The following KIAA0319L variants were observed in gnomAD, a reference collection of about 807,000 sequenced individuals.
KIAA0319L encodes KIAA0319 like.
Under a neutral mutation model 120.1 loss-of-function variants are expected in KIAA0319L, and 55 were observed. The observed-to-expected ratio is 0.46, with a 90% CI of 0.37 to 0.57. The LOEUF (loss-of-function observed/expected upper bound fraction) is 0.57. Ranked by LOEUF, KIAA0319L falls within the 20% of genes least tolerant of loss-of-function variation. KIAA0319L has a pLI of 0.00. For synonymous variants in KIAA0319L, 398 were observed against 471.9 expected (o/e 0.84, Z 2.03); for missense variants, 1,049 against 1,255.3 (o/e 0.84, Z 2.48).
intron 3 of KIAA0319L, among the ~76,000 whole-genome samples, chr1:35,489,142 C>A (rs1389922022): frequency 6.6e-6 from 1 of 151,798 alleles, no homozygotes; most frequent in Non-Finnish European, 1.5e-5. Context: ...TCAGAGAAGG[C>A]TTCAAAAAGA....
intron 6 of KIAA0319L, 74 bp downstream of exon 6, chr1:35,470,789 A>G (rs1002014088): frequency 3.2e-5 from 30 of 928,352 alleles, no homozygotes; most frequent in Admixed American, 5.2e-5. Context: ...TAGACAGAAA[A>G]TTATATGATA....
chr1:35,454,660 T>G, intron 10 of KIAA0319L, 175 bp from the exon 11 acceptor site: 1 of 1,390,482 alleles, frequency 7.2e-7, no homozygotes, highest in Non-Finnish European at 9.3e-7. Flanking sequence ...ATGAGGCACC[T>G]TGCTAAGGGT....
chr1:35,464,803 C>T (rs868378171), intron 7 of KIAA0319L, among the ~76,000 whole-genome samples: 45 of 152,204 alleles, frequency 3.0e-4, no homozygotes, highest in African/African-American at 1.0e-3. Flanking sequence ...TGTGTGCAGC[C>T]TAGGGACTTG....
chr1:35,497,000 T>C (rs1033094011), intron 3 of KIAA0319L, among the ~76,000 whole-genome samples: 1 of 138,894 alleles, frequency 7.2e-6, no homozygotes, highest in Non-Finnish European at 1.6e-5. Context: ...ATGACATGAA[T>C]GGACATAAAA....
intron 2 of KIAA0319L, among the ~76,000 whole-genome samples, chr1:35,544,277 G>A (rs947439570): frequency 1.3e-5 from 2 of 151,118 alleles, no homozygotes; most frequent in African/African-American, 4.9e-5. Flanking sequence ...GCTGAGGCAG[G>A]AGAATCGCTT....
At chr1:35,549,542 C>A (rs1242382066) in intron 2 of KIAA0319L, among the ~76,000 whole-genome samples, 7 of 152,300 alleles carry the variant, frequency 4.6e-5, no homozygotes, top group Admixed American at 3.3e-4. Context: ...AATGTCAGTA[C>A]AAGTTTTCAT....
chr1:35,436,900 T>G (rs1050541479), intron 20 of KIAA0319L, among the ~76,000 whole-genome samples: 2 of 152,182 alleles, frequency 1.3e-5, no homozygotes, highest in African/African-American at 4.8e-5. Flanking sequence ...CCAGCTAAAC[T>G]TCTTCAGTTC....
At chr1:35,499,323 G>A (rs1318872067) in intron 3 of KIAA0319L, among the ~76,000 whole-genome samples, 3 of 152,160 alleles carry the variant, frequency 2.0e-5, no homozygotes, top group Non-Finnish European at 2.9e-5. Flanking sequence ...AGGTAATTAG[G>A]TCATGAAGTT....
Position 35,456,915 on chromosome 1 carries a change from T to TGAAGGAAGGAAGGAAGGAAGGAAG in KIAA0319L, c.1428-698_1428-675dup, listed in dbSNP as rs71062877. ...GGGAGGGAGGGAAAGAAGGAAGGAA[T>TGAAGGAAGGAAGGAAGGAAGGAAG]GAAGGAAGGAAGGAAGGAAGGAAGG... On this transcript the variant is annotated intron_variant, in intron 9 of 20. Coordinates refer to ENST00000325722, the MANE Select transcript of KIAA0319L (RefSeq NM_024874.5). 3.6e-5 allele frequency among the ~76,000 whole-genome samples: 4 copies of TGAAGGAAGGAAGGAAGGAAGGAAG among 110,006 alleles called. 1 individual carries two copies. The highest frequency in any genetic ancestry group is 1.4e-4 in the African/African-American group (4 of 29,364). The allele number at this position is 110,006 out of a possible 152,430, so 72.2% of individuals were successfully genotyped here. A position where few individuals can be genotyped will look rare whatever the true frequency, so the allele number is the denominator to read the frequency against.
intron 3 of KIAA0319L, among the ~76,000 whole-genome samples, chr1:35,496,054 A>C (rs767404467): frequency 5.9e-5 from 9 of 152,228 alleles, no homozygotes; most frequent in Non-Finnish European, 8.8e-5. Flanking sequence ...TTGATACATT[A>C]ATCACGGAAA....
intron 4 of KIAA0319L, among the ~76,000 whole-genome samples, chr1:35,477,911 A>G (rs1211362838): frequency 6.6e-6 from 1 of 152,204 alleles, no homozygotes; most frequent in African/African-American, 2.4e-5. Flanking sequence ...GTCTATACCC[A>G]AAAGAAAGGA....
At chr1:35,485,608 A>T (rs1037363982) in intron 3 of KIAA0319L, among the ~76,000 whole-genome samples, 1 of 152,050 alleles carries the variant, frequency 6.6e-6, no homozygotes, top group Non-Finnish European at 1.5e-5. Flanking sequence ...TATTTTCAAG[A>T]TCTTCCCATT....
intron 5 of KIAA0319L, among the ~76,000 whole-genome samples, chr1:35,473,099 T>C (rs1244850847): frequency 1.2e-4 from 16 of 135,472 alleles, no homozygotes; most frequent in Admixed American, 3.7e-4. Context: ...TTTTTTTTTT[T>C]TTTTCTTTTT....
intron 2 of KIAA0319L, among the ~76,000 whole-genome samples, chr1:35,508,096 T>C (rs544406235): frequency 2.0e-5 from 3 of 152,334 alleles, no homozygotes; most frequent in East Asian, 1.9e-4. Context: ...CAGGGTTATA[T>C]AGAAACAGAA....
At chr1:35,463,837 T>G (rs1643067991) in intron 7 of KIAA0319L, among the ~76,000 whole-genome samples, 1 of 152,098 alleles carries the variant, frequency 6.6e-6, no homozygotes, top group African/African-American at 2.4e-5. Context: ...GATTAAATTA[T>G]GGGGGTGGGT....
chr1:35,457,064 A>G (rs1268266536), intron 9 of KIAA0319L, among the ~76,000 whole-genome samples: 1 of 152,156 alleles, frequency 6.6e-6, no homozygotes, highest in Non-Finnish European at 1.5e-5. Flanking sequence ...GCCTGCACGC[A>G]TCTGTGTCCT....
In KIAA0319L at chr1:35,521,782, C is replaced by T. The variant is rs371289765; in HGVS notation, c.143-14647G>A. Among the ~76,000 whole-genome samples, 501 of 151,962 alleles carry T rather than the reference C, an allele frequency of 3.3e-3. 2 individuals are homozygous for T. The highest frequency in any genetic ancestry group is 4.6e-3 in the Non-Finnish European group (314 of 67,948). On this transcript the variant is annotated intron_variant, in intron 2 of 20. Transcript: ENST00000325722. Reference sequence around the variant, plus strand: ...GGTCGGGAGATCGAGACCATCCTGGCTAACACAGTGAAACCCCGTCTCTAC... The same window carrying T: ...GGTCGGGAGATCGAGACCATCCTGGTTAACACAGTGAAACCCCGTCTCTAC...
chr1:35,520,147 GGCT>G (rs1645853258), intron 2 of KIAA0319L, among the ~76,000 whole-genome samples: 1 of 151,284 alleles, frequency 6.6e-6, no homozygotes, highest in Admixed American at 6.6e-5. Flanking sequence ...CTGTCGCCCA[GGCT>G]GGAGTGCAGT....
chr1:35,456,277 G>A (rs1474206904), intron 9 of KIAA0319L, 36 bp from the exon 10 acceptor site: 1 of 1,360,376 alleles, frequency 7.4e-7, no homozygotes, highest in African/African-American at 1.5e-5. Flanking sequence ...ATCAGGGACG[G>A]GTTTAAGGAA....
Sources: gnomAD v4.1 joint callset for allele counts (sites outside exome capture counted in the v4.1 genomes callset) on GRCh38, gnomAD v4.1.1 for gene constraint, MANE v1.5 for transcripts, NCBI Gene and HGNC (gene_info 2026-07-23, HGNC 2026-07-21) for gene names.